The following CRYBG3 variants were observed in gnomAD, a reference collection of about 807,000 sequenced individuals.
CRYBG3 encodes very large A-kinase anchor protein.
Under a neutral mutation model 244.2 loss-of-function variants are expected in CRYBG3, and 127 were observed. The observed-to-expected ratio is 0.52, with a 90% CI of 0.45 to 0.60. CRYBG3 has a LOEUF of 0.60. Among genes scored for constraint, CRYBG3 ranks in the 20% least tolerant of loss-of-function variants. CRYBG3 has a pLI of 0.00. For missense variants in CRYBG3, 3,325 were observed against 3,442.5 expected (o/e 0.97, Z 0.85); for synonymous variants, 1,132 against 1,195.8 (o/e 0.95, Z 1.10).
Position 97,864,587 on chromosome 3 carries a change from C to T in CRYBG3, c.587C>T (p.Ser196Leu), listed in dbSNP as rs571515663. 2.1e-5 allele frequency: 32 copies of T among 1,535,852 alleles called. No homozygotes were observed. The highest frequency in any genetic ancestry group is 3.9e-5 in the Admixed American group (2 of 50,982). The change falls in exon 3 of 22, where the codon TCA (serine) becomes TTA (leucine). Residue 196 changes from serine (S) to leucine (L), a missense_variant. Ser to Leu is a moderately radical substitution (Grantham distance 145, BLOSUM62 -2). Coordinates refer to ENST00000389622, the MANE Select transcript of CRYBG3 (RefSeq NM_153605.4). ...CAAGACTCTAACTCATCCGAACTCTCAGATGCTTTTTCTTTGGATACAACA... is the reference window on the plus strand; with the variant it reads ...CAAGACTCTAACTCATCCGAACTCTTAGATGCTTTTTCTTTGGATACAACA... ...EEQDSNSSEL[S>L]DAFSLDTTQD...
rs1366714345 is a variant in CRYBG3 at position 97,871,891 on chromosome 3, C to T, written c.697C>T (p.Arg233Ter). 20 of 1,529,962 alleles carry T rather than the reference C, an allele frequency of 1.3e-5. No individual in the cohort carries two copies. The highest frequency in any genetic ancestry group is 1.2e-4 in the East Asian group (5 of 40,896). The allele number at this position is 1,529,962 out of a possible 1,614,324, so 94.8% of individuals were successfully genotyped here. ...EKPSVTYATY[R>*]GPRHIGKYLK... ...GCCTTCAGTAACATATGCAACATAT[C>T]GAGGCCCAAGACACATTGGGAAATA... Residue 233 changes from arginine to a stop codon, truncating the protein, a stop_gained, in exon 4 of 22, where the codon CGA (arginine) becomes TGA (stop). Transcript: ENST00000389622. LOFTEE classifies it high-confidence loss of function.
Position 97,874,921 on chromosome 3 carries a change from A to G in CRYBG3, c.3727A>G (p.Ile1243Val), listed in dbSNP as rs575770644. 19 of 1,535,656 alleles carry G rather than the reference A, an allele frequency of 1.2e-5. No individual in the cohort carries two copies. In the East Asian group the frequency reaches 3.7e-4, roughly 30 times the overall value. ...IMNLGTLKED[I>V]SEKNPSEVTL... ...GAATCTGGGTACCCTGAAAGAAGAC[A>G]TCTCTGAGAAAAACCCATCAGAAGT... The change falls in exon 4 of 22, where the codon ATC becomes GTC. Residue 1243 changes from isoleucine (I) to valine (V), a missense_variant. Around this residue, in one of 4 missense-constraint regions of CRYBG3, gnomAD observed 1,526 missense variants for 1,443.2 expected, o/e 1.06. Transcript: ENST00000389622.
Position 97,899,204 on chromosome 3 carries a change from T to C in CRYBG3, c.7912T>C (p.Cys2638Arg). 1 of 1,613,828 alleles carries C rather than the reference T, an allele frequency of 6.2e-7. No individual in the cohort carries two copies. The highest frequency in any genetic ancestry group is 1.1e-5 in the South Asian group (1 of 91,066). ...QYILEKGKYKCFFDWGGSNNI... is the reference protein window; with the variant it reads ...QYILEKGKYKRFFDWGGSNNI... ...CATTTTAGAAAAAGGGAAATACAAATGCTTTTTTGACTGGGGAGGATCAAA... is the reference window on the plus strand; with the variant it reads ...CATTTTAGAAAAAGGGAAATACAAACGCTTTTTTGACTGGGGAGGATCAAA... The change falls in exon 14 of 22, where the codon TGC (cysteine) becomes CGC (arginine). Residue 2638 changes from cysteine (C) to arginine (R), a missense_variant. Transcript: ENST00000389622.
At chr3:97,828,141 C>T (rs550000011) in intron 1 of CRYBG3, among the ~76,000 whole-genome samples, 27 of 152,240 alleles carry the variant, frequency 1.8e-4, no homozygotes, top group Non-Finnish European at 3.8e-4. Flanking sequence ...CCATATTCTA[C>T]CTATTTGATA....
At chr3:97,853,497 C>T (rs370288834) in intron 2 of CRYBG3, among the ~76,000 whole-genome samples, 9 of 151,696 alleles carry the variant, frequency 5.9e-5, no homozygotes, top group East Asian at 5.8e-4. Flanking sequence ...TTTGCAATTG[C>T]GAATTGTGCT....
At chr3:97,847,240 A>G (rs948183407) in intron 2 of CRYBG3, among the ~76,000 whole-genome samples, 1 of 152,194 alleles carries the variant, frequency 6.6e-6, no homozygotes, top group South Asian at 2.1e-4. Context: ...CTGTATCACC[A>G]GTTATATCTG....
intron 1 of CRYBG3, among the ~76,000 whole-genome samples, chr3:97,826,980 A>G (rs952041805): frequency 7.9e-5 from 12 of 152,344 alleles, no homozygotes; most frequent in African/African-American, 2.2e-4. Flanking sequence ...CTTTTCTCCA[A>G]GCATGGTTTG....
At chr3:97,888,279 A>C in intron 8 of CRYBG3, 62 bp from the exon 9 acceptor site, 1 of 994,222 alleles carries the variant, frequency 1.0e-6, no homozygotes, top group African/African-American at 1.7e-5. Context: ...AGCCCTTTTT[A>C]CTTACAGAAC....
At chr3:97,900,903 G>A (rs1290852045) in intron 15 of CRYBG3, among the ~76,000 whole-genome samples, 1 of 152,084 alleles carries the variant, frequency 6.6e-6, no homozygotes, top group Non-Finnish European at 1.5e-5. Flanking sequence ...AAATATTTCT[G>A]AGCTAGTGAA....
intron 2 of CRYBG3, among the ~76,000 whole-genome samples, chr3:97,860,368 G>A (rs1182876117): frequency 6.6e-6 from 1 of 152,192 alleles, no homozygotes; most frequent in African/African-American, 2.4e-5. Flanking sequence ...TGTGTGTTGT[G>A]TGTGTATTTA....
rs2039330102 is a variant in CRYBG3, at chr3:97,873,476, T to A, written c.2282T>A (p.Leu761Ter). 6.5e-7 allele frequency: 1 copy of A among 1,535,952 alleles called. No individual in the cohort carries two copies. The highest frequency in any genetic ancestry group is 8.7e-7 in the Non-Finnish European group (1 of 1,146,816). Residue 761 changes from leucine (L) to a stop codon, truncating the protein, a stop_gained, in exon 4 of 22, where the codon TTG becomes TAG. Coordinates refer to ENST00000389622, the MANE Select transcript of CRYBG3 (RefSeq NM_153605.4). LOFTEE classifies it high-confidence loss of function. ...SGPHLTGLELLSFDSGNLSKD... is the reference protein window; with the variant it reads ...SGPHLTGLEL ...CCTCACTTAACTGGGTTGGAGCTAT[T>A]GAGCTTTGACTCTGGAAACCTCTCT...
chr3:97,943,621 A>C lies in CRYBG3; in HGVS notation c.*307A>C. The stretch of plus-strand genomic sequence containing the variant: ...TTTTCTCTCATATCCACCAAACGTG[A>C]ATCCTGTTCCTGATGGCCCGTTATT... On this transcript the variant is annotated 3_prime_UTR_variant, in exon 22 of 22. Coordinates refer to ENST00000389622, the MANE Select transcript of CRYBG3 (RefSeq NM_153605.4). The C allele has an allele frequency of 3.3e-6, 1 of 305,512 alleles. No homozygotes were observed. The highest frequency in any genetic ancestry group is 6.0e-6 in the Non-Finnish European group (1 of 167,614). The allele number at this position is 305,512 out of a possible 1,614,324, so 18.9% of individuals were successfully genotyped here.
At chr3:97,927,087 A>C (rs1375284006) in intron 17 of CRYBG3, among the ~76,000 whole-genome samples, 1 of 152,092 alleles carries the variant, frequency 6.6e-6, no homozygotes, top group East Asian at 1.9e-4. Context: ...CATGGGAACC[A>C]AAAAAGAGCC....
intron 17 of CRYBG3, among the ~76,000 whole-genome samples, chr3:97,918,734 T>C (rs550737370): frequency 6.6e-6 from 1 of 152,318 alleles, no homozygotes; most frequent in Admixed American, 6.5e-5. Context: ...GGCTTGTTAG[T>C]TGGCTTTAGA....
At chr3:97,849,239 C>T (rs2038949147) in intron 2 of CRYBG3, among the ~76,000 whole-genome samples, 1 of 152,096 alleles carries the variant, frequency 6.6e-6, no homozygotes, top group Non-Finnish European at 1.5e-5. Flanking sequence ...TGCCTTCTTG[C>T]CATATAAAGT....
At chr3:97,850,793 T>A (rs1206046805) in intron 2 of CRYBG3, among the ~76,000 whole-genome samples, 1 of 152,158 alleles carries the variant, frequency 6.6e-6, no homozygotes, top group African/African-American at 2.4e-5. Flanking sequence ...CAGTACTCAC[T>A]GAGGAGTTAA....
chr3:97,834,688 T>C (rs2038706032), intron 1 of CRYBG3, among the ~76,000 whole-genome samples: 1 of 152,166 alleles, frequency 6.6e-6, no homozygotes, highest in African/African-American at 2.4e-5. Flanking sequence ...GTAATTATGG[T>C]GTTTCATTGT....
intron 17 of CRYBG3, among the ~76,000 whole-genome samples, chr3:97,929,913 G>A (rs1453309604): frequency 1.3e-5 from 2 of 151,864 alleles, no homozygotes; most frequent in Non-Finnish European, 1.5e-5. Context: ...CTTTTCTTGA[G>A]ATACATTTCT....
intron 2 of CRYBG3, among the ~76,000 whole-genome samples, chr3:97,855,420 GT>G (rs2039049539): frequency 6.6e-6 from 1 of 152,098 alleles, no homozygotes; most frequent in Non-Finnish European, 1.5e-5. Flanking sequence ...AATAATTGGT[GT>G]TCTTTAACAG....
Sources: gnomAD v4.1 joint callset for allele counts (sites outside exome capture counted in the v4.1 genomes callset) on GRCh38, gnomAD v4.1.1 for gene constraint, gnomAD v4.1.1 regional missense constraint, MANE v1.5 for transcripts, NCBI Gene and HGNC (gene_info 2026-07-23, HGNC 2026-07-21) for gene names.